RABGAP1L: variants seen among roughly 807,000 people sequenced by gnomAD.
The protein encoded by RABGAP1L is rab GTPase-activating protein 1-like.
In RABGAP1L, 63 loss-of-function variants were observed where a neutral mutation model predicts 137.7. The ratio of observed to expected loss-of-function variants is 0.46; its 90% CI spans 0.37 to 0.56. The LOEUF (loss-of-function observed/expected upper bound fraction) is 0.56, where lower values mean the gene tolerates loss of function less well. RABGAP1L is among the 20% of genes least tolerant of loss of function. The probability of loss-of-function intolerance (pLI) is 0.00; values close to 1 mark genes in which losing one functional copy is unlikely to be tolerated. For synonymous variants in RABGAP1L, 431 were observed against 433.7 expected (o/e 0.99, Z 0.08); for missense variants, 1,095 against 1,244.0 (o/e 0.88, Z 1.80).
At chr1:174,342,105 A>G (rs12059307) in intron 11 of RABGAP1L, among the ~76,000 whole-genome samples, 51,873 of 152,032 alleles carry the variant, frequency 0.34, 11,067 homozygotes, top group African/African-American at 0.6. Flanking sequence ...ATGCTAAAAG[A>G]GGGAGGTAAG....
In RABGAP1L at chr1:174,366,256, T is replaced by C. The variant is rs1173447796; in HGVS notation, c.1466-4723T>C. On this transcript the variant is annotated intron_variant, in intron 11 of 25. Transcript: ENST00000681986. ...TCAAGACTACACTAAATCCAAACAG[T>C]ATACCTAGGACCTGAGTTTTGAGTT... Among the ~76,000 whole-genome samples the C allele has an allele frequency of 2.6e-5, 4 of 152,320 alleles. No individual in the cohort carries two copies. In the East Asian group the frequency reaches 5.8e-4, roughly 22 times the overall value.
intron 13 of RABGAP1L, among the ~76,000 whole-genome samples, chr1:174,401,805 A>T (rs1648618529): frequency 6.6e-6 from 1 of 152,200 alleles, no homozygotes; most frequent in Non-Finnish European, 1.5e-5. Flanking sequence ...ACTGTGACAC[A>T]GGTATGAGCA....
intron 11 of RABGAP1L, among the ~76,000 whole-genome samples, chr1:174,350,093 C>A (rs1682974442): frequency 3.6e-5 from 5 of 138,922 alleles, no homozygotes; most frequent in African/African-American, 1.4e-4. Context: ...GGGGGCTGAC[C>A]CCCCCACCTC....
intron 13 of RABGAP1L, among the ~76,000 whole-genome samples, chr1:174,631,383 G>C (rs1279374575): frequency 7.4e-6 from 1 of 134,884 alleles, no homozygotes; most frequent in Non-Finnish European, 1.5e-5. Context: ...AATTGGGGTG[G>C]AGAGTTCTGT....
rs559021283 is a variant in RABGAP1L at position 174,526,487 on chromosome 1, G to A, written c.1711-110888G>A. On this transcript the variant is annotated intron_variant, in intron 13 of 25. Transcript: ENST00000681986. Reference sequence around the variant, plus strand: ...CAGTCCCGGCTTTTCTTTGTTGGGAGACATTTTAATTATTGCTTCAAGTTC... The same window carrying A: ...CAGTCCCGGCTTTTCTTTGTTGGGAAACATTTTAATTATTGCTTCAAGTTC... 1.6e-3 allele frequency among the ~76,000 whole-genome samples: 245 copies of A among 152,216 alleles called. 1 individual carries two copies. The highest frequency in any genetic ancestry group is 0.014 in the Middle Eastern group (4 of 294).
rs1278242483 is a variant in RABGAP1L at position 174,607,386 on chromosome 1, T to G, written c.1711-29989T>G. 3.9e-5 allele frequency among the ~76,000 whole-genome samples: 6 copies of G among 152,200 alleles called. No homozygotes were observed. In the East Asian group the frequency reaches 1.2e-3, roughly 29 times the overall value. On this transcript the variant is annotated intron_variant, in intron 13 of 25. Transcript: ENST00000681986. ...AGTGGTCCTGTGGTGTTGCAATACC[T>G]GCTCTCAGAGGGTAGGGCCAGACCA...
chr1:174,250,270 A>G (rs1672612080), intron 5 of RABGAP1L, among the ~76,000 whole-genome samples: 1 of 150,642 alleles, frequency 6.6e-6, no homozygotes, highest in Non-Finnish European at 1.5e-5. Flanking sequence ...ACAGTTGTTT[A>G]CTCCCTCTTT....
At chr1:174,276,973 T>C (rs1190150886) in intron 9 of RABGAP1L, among the ~76,000 whole-genome samples, 2 of 143,012 alleles carry the variant, frequency 1.4e-5, no homozygotes, top group Non-Finnish European at 3.0e-5. Flanking sequence ...ATTTAGAATA[T>C]AATGGATCAG....
At chr1:174,559,772 G>T (rs1188494568) in intron 13 of RABGAP1L, among the ~76,000 whole-genome samples, 1 of 152,222 alleles carries the variant, frequency 6.6e-6, no homozygotes, top group Non-Finnish European at 1.5e-5. Context: ...ATGGGTTATT[G>T]ATTCTGCCAG....
At chr1:174,763,397 T>A (rs1344267589) in intron 18 of RABGAP1L, among the ~76,000 whole-genome samples, 2 of 145,924 alleles carry the variant, frequency 1.4e-5, no homozygotes, top group Non-Finnish European at 3.0e-5. Flanking sequence ...ACGCCTGTAA[T>A]CCCAGCACTT....
intron 1 of RABGAP1L, among the ~76,000 whole-genome samples, chr1:174,192,081 G>C (rs1003715270): frequency 1.3e-5 from 2 of 152,040 alleles, no homozygotes; most frequent in African/African-American, 4.8e-5. Flanking sequence ...GGAAGTAAAG[G>C]TATGTTCAAA....
intron 13 of RABGAP1L, among the ~76,000 whole-genome samples, chr1:174,420,806 C>T (rs920777255): frequency 4.6e-5 from 7 of 151,868 alleles, no homozygotes; most frequent in Non-Finnish European, 8.8e-5. Context: ...TCCCGAGTAG[C>T]TGGGACTACA....
intron 19 of RABGAP1L, among the ~76,000 whole-genome samples, chr1:174,881,392 G>T (rs1654173379): frequency 6.7e-6 from 1 of 149,890 alleles, no homozygotes; most frequent in South Asian, 2.1e-4. Flanking sequence ...AGTTTTATCA[G>T]ATTTGAAATT....
intron 1 of RABGAP1L, among the ~76,000 whole-genome samples, chr1:174,165,676 A>G (rs1239964377): frequency 6.6e-6 from 1 of 151,020 alleles, no homozygotes; most frequent in African/African-American, 2.4e-5. Flanking sequence ...ATTTTTCATT[A>G]CTTGTAGAGA....
chr1:174,227,994 T>C (rs1405577029), intron 3 of RABGAP1L, among the ~76,000 whole-genome samples: 1 of 152,128 alleles, frequency 6.6e-6, no homozygotes, highest in Admixed American at 6.5e-5. Context: ...TTAACATTCC[T>C]CTTCTGCAAT....
chr1:174,625,062 CG>C (rs1025275140), intron 13 of RABGAP1L, among the ~76,000 whole-genome samples: 2 of 151,808 alleles, frequency 1.3e-5, no homozygotes, highest in Non-Finnish European at 2.9e-5. Flanking sequence ...TTAGTAGAGA[CG>C]GGGTTTCACC....
At chr1:174,924,087 TAAGA>T (rs1662272084) in intron 19 of RABGAP1L, among the ~76,000 whole-genome samples, 1 of 151,468 alleles carries the variant, frequency 6.6e-6, no homozygotes, top group South Asian at 2.1e-4. Flanking sequence ...GAAAGCTTCA[TAAGA>T]AAGATACAAA....
chr1:174,632,521 G>C (rs11487328), intron 13 of RABGAP1L, among the ~76,000 whole-genome samples: 72,308 of 147,380 alleles, frequency 0.49, 20,396 homozygotes, highest in African/African-American at 0.78. Flanking sequence ...GCATCACTTT[G>C]AGGTACACCA....
chr1:174,182,388 G>A (rs773735055), intron 1 of RABGAP1L, among the ~76,000 whole-genome samples: 2 of 152,166 alleles, frequency 1.3e-5, no homozygotes, highest in Non-Finnish European at 2.9e-5. Flanking sequence ...AGTCGAAATG[G>A]TTCTTGTCTC....
Sources: allele counts gnomAD v4.1 joint callset (sites outside exome capture counted in the v4.1 genomes callset), GRCh38; gene constraint gnomAD v4.1.1; transcripts MANE v1.5; gene names NCBI Gene and HGNC (gene_info 2026-07-23, HGNC 2026-07-21).